The following BMAL2 variants were observed in gnomAD, a reference collection of about 807,000 sequenced individuals.
BMAL2 encodes basic helix-loop-helix ARNT like 2.
At chr12:27,418,530 A>G in the BMAL2 span, among the ~76,000 whole-genome samples, 1 of 152,092 alleles carries the variant, frequency 6.6e-6, no homozygotes, top group Non-Finnish European at 1.5e-5. Context: ...GCTTGAGCCC[A>G]GGAGTTCAAG....
chr12:27,411,923 T>A, the BMAL2 span, among the ~76,000 whole-genome samples: 1 of 152,210 alleles, frequency 6.6e-6, no homozygotes, highest in Non-Finnish European at 1.5e-5. Flanking sequence ...GGTTGCCAAA[T>A]CCAATGTCAT....
chr12:27,395,081 A>T, the BMAL2 span, among the ~76,000 whole-genome samples: 4 of 152,258 alleles, frequency 2.6e-5, no homozygotes, highest in African/African-American at 9.6e-5. Flanking sequence ...AATAACTTGC[A>T]TCATTTTCTA....
At chr12:27,344,880 G>A in the BMAL2 span, among the ~76,000 whole-genome samples, 2 of 152,162 alleles carry the variant, frequency 1.3e-5, no homozygotes, top group African/African-American at 4.8e-5. Flanking sequence ...TAAAGCATAT[G>A]GTGCCTGGCG....
the BMAL2 span, among the ~76,000 whole-genome samples, chr12:27,336,792 A>G: frequency 6.6e-6 from 1 of 152,160 alleles, no homozygotes; most frequent in African/African-American, 2.4e-5. Context: ...CTCTACTAAA[A>G]AATACAAAAA....
chr12:27,341,486 G>A, the BMAL2 span, among the ~76,000 whole-genome samples: 1 of 152,144 alleles, frequency 6.6e-6, no homozygotes, highest in Non-Finnish European at 1.5e-5. Flanking sequence ...TGGTAGATAA[G>A]CTTTTTGACG....
the BMAL2 span, among the ~76,000 whole-genome samples, chr12:27,403,199 A>G: frequency 6.6e-6 from 1 of 152,198 alleles, no homozygotes; most frequent in African/African-American, 2.4e-5. Flanking sequence ...TGCTGTGGAG[A>G]TTAAAGTGGC....
chr12:27,402,859 TC>T, the BMAL2 span, among the ~76,000 whole-genome samples: 1 of 152,184 alleles, frequency 6.6e-6, no homozygotes, highest in South Asian at 2.1e-4. Flanking sequence ...GAAATAGATA[TC>T]CCATTTAAAC....
chr12:27,399,600 A>G, the BMAL2 span, among the ~76,000 whole-genome samples: 1 of 152,248 alleles, frequency 6.6e-6, no homozygotes, highest in East Asian at 1.9e-4. Context: ...CTACTATCTT[A>G]TATGACAGTT....
the BMAL2 span, among the ~76,000 whole-genome samples, chr12:27,340,046 AG>A: frequency 4.0e-5 from 6 of 151,886 alleles, no homozygotes; most frequent in Non-Finnish European, 8.8e-5. Context: ...ATTCTGTTGT[AG>A]GTTGTCTGTT....
chr12:27,418,000 T>C, the BMAL2 span: 1 of 846,552 alleles, frequency 1.2e-6, no homozygotes, highest in Non-Finnish European at 1.7e-6. Flanking sequence ...CTCAAAAAAA[T>C]AAAAAATAAA....
the BMAL2 span, chr12:27,333,280 C>A: frequency 1.6e-6 from 1 of 618,008 alleles, no homozygotes; most frequent in Non-Finnish European, 2.2e-6. Flanking sequence ...CCCCGTGGGG[C>A]ACAGGTGCGG....
the BMAL2 span, chr12:27,394,369 C>T: frequency 6.6e-6 from 1 of 152,320 alleles, no homozygotes; most frequent in African/African-American, 2.4e-5. Flanking sequence ...GAGCTTCTCT[C>T]AGATTTGCTG....
chr12:27,345,749 C>T, the BMAL2 span, among the ~76,000 whole-genome samples: 1 of 152,154 alleles, frequency 6.6e-6, no homozygotes, highest in Non-Finnish European at 1.5e-5. Context: ...GCTATCTGCC[C>T]ATCTGGGCTT....
chr12:27,402,072 G>C, the BMAL2 span, among the ~76,000 whole-genome samples: 5 of 152,162 alleles, frequency 3.3e-5, no homozygotes, highest in Non-Finnish European at 7.3e-5. Context: ...GTCTGTGTAG[G>C]CATGCTCAGC....
At chr12:27,376,217 G>C in the BMAL2 span, 1 of 756,386 alleles carries the variant, frequency 1.3e-6, no homozygotes, top group Non-Finnish European at 2.2e-6. Context: ...GCTCAAGGGA[G>C]CATTTACAGC....
At chr12:27,394,952 A>C in the BMAL2 span, among the ~76,000 whole-genome samples, 1 of 152,258 alleles carries the variant, frequency 6.6e-6, no homozygotes, top group Admixed American at 6.5e-5. Context: ...ACCAGAACCC[A>C]GCCCTGCTGA....
chr12:27,417,942 G>A, the BMAL2 span: 38 of 445,820 alleles, frequency 8.5e-5, no homozygotes, highest in East Asian at 1.0e-3. Context: ...GCAATGAACC[G>A]AGATCATGCC....
the BMAL2 span, among the ~76,000 whole-genome samples, chr12:27,420,018 T>TGCAC: frequency 3.3e-4 from 19 of 57,340 alleles, no homozygotes; most frequent in African/African-American, 1.1e-3. Flanking sequence ...GGTTTGCGCG[T>TGCAC]GCACACACAC....
the BMAL2 span, among the ~76,000 whole-genome samples, chr12:27,396,543 G>GT: frequency 6.6e-6 from 1 of 152,136 alleles, no homozygotes; most frequent in Non-Finnish European, 1.5e-5. Context: ...ATGCCGGAAG[G>GT]TTTTCGTGAA....
Sources: gnomAD v4.1 joint callset for allele counts (sites outside exome capture counted in the v4.1 genomes callset) on GRCh38, gnomAD v4.1.1 for gene constraint, MANE v1.5 for transcripts, NCBI Gene and HGNC (gene_info 2026-07-23, HGNC 2026-07-21) for gene names.